Variants in CES5A observed in about 807,000 individuals in gnomAD.
CES5A encodes carboxylesterase 5.
A neutral mutation model predicts 62.9 loss-of-function variants in CES5A; 67 were observed. The observed-to-expected ratio is 1.07, with a 90% CI of 0.88 to 1.31. The LOEUF is 1.31. CES5A is among the 50% of genes most tolerant of loss of function. CES5A has a pLI of 0.00. For synonymous variants in CES5A, 296 were observed against 280.8 expected, an observed-to-expected ratio of 1.05 and a Z score of -0.54; for missense variants, 748 against 708.5, an observed-to-expected ratio of 1.06 and a Z score of -0.63.
At position 55,859,548 on chromosome 16, in the gene CES5A, A is replaced by T. The variant is rs1458234462; in HGVS notation, c.1055T>A (p.Met352Lys). 1 of 1,611,314 alleles carries T rather than the reference A, an allele frequency of 6.2e-7. No individual in the cohort carries two copies. Among genetic ancestry groups the T allele is most frequent in the Non-Finnish European group, 8.5e-7 (1 of 1,179,518 alleles). Residue 352 changes from methionine (M) to lysine (K), a missense_variant and splice_region_variant, in exon 8 of 13, where the codon ATG becomes AAG. Physicochemically the swap from Met to Lys is moderately conservative, Grantham distance 95. Coordinates refer to ENST00000290567, the MANE Select transcript of CES5A (RefSeq NM_001143685.2). ...AGTATGGACAGCCAGAATTCTTACC[A>T]TAGGCAGCAGGAAGCCACACTCGTG... ...NNHECGFLLP[M>K]KEAPEILSGS... is the part of the protein sequence containing the mutation.
At chr16:55,898,696 C>A (rs1203474594) in intron 1 of CES5A, among the ~76,000 whole-genome samples, 2 of 152,202 alleles carry the variant, frequency 1.3e-5, no homozygotes, top group East Asian at 3.9e-4. Flanking sequence ...CCCTAGGAGG[C>A]ATATGGGGCC....
chr16:55,954,405 A>G (rs1311921720), intron 1 of CES5A, among the ~76,000 whole-genome samples: 8 of 152,232 alleles, frequency 5.3e-5, no homozygotes, highest in African/African-American at 1.9e-4. Context: ...AAAGCTTCTC[A>G]TAGTCGGTCC....
intron 5 of CES5A, among the ~76,000 whole-genome samples, 155 bp from the exon 6 acceptor site, chr16:55,863,607 G>A (rs7500040): frequency 0.25 from 38,028 of 151,974 alleles, 5,422 homozygotes; most frequent in African/African-American, 0.39. Context: ...AGGACTAGCT[G>A]TGAAGGTTTG....
chr16:55,922,408 A>C (rs573570845), intron 1 of CES5A, among the ~76,000 whole-genome samples: 10 of 152,024 alleles, frequency 6.6e-5, no homozygotes, highest in Non-Finnish European at 7.4e-5. Context: ...TTATATGAGA[A>C]AAAATAGACT....
At chr16:55,896,827 A>C (rs2142438120) in intron 1 of CES5A, among the ~76,000 whole-genome samples, 1 of 152,242 alleles carries the variant, frequency 6.6e-6, no homozygotes, top group Middle Eastern at 3.4e-3. Flanking sequence ...ATATCACAAA[A>C]CTGCTTTAGA....
intron 1 of CES5A, among the ~76,000 whole-genome samples, chr16:55,911,654 G>A (rs774896203): frequency 1.6e-4 from 25 of 152,102 alleles, no homozygotes; most frequent in African/African-American, 2.7e-4. Context: ...TCTATTCTGC[G>A]CTTATTCTGT....
Position 55,871,624 on chromosome 16 carries a change from C to T in CES5A, c.417+1G>A, listed in dbSNP as rs117887370. ...CCGAAGCACACAGCAGGCAGCCTTA[C>T]GGGGAGCTTGGAGCCTGTATCGGCG... On this transcript the variant is annotated splice_donor_variant, in intron 3 of 12. Coordinates refer to ENST00000290567, the MANE Select transcript of CES5A (RefSeq NM_001143685.2). LOFTEE classifies it high-confidence loss of function. The T allele has an allele frequency of 4.1e-4, 660 of 1,613,966 alleles. 7 individuals carry two copies. The East Asian group carries it at 0.012, about 29-fold the overall frequency.
upstream of CES5A, among the ~76,000 whole-genome samples, chr16:55,878,729 C>T (rs1337720835): frequency 6.7e-6 from 1 of 148,238 alleles, no homozygotes; most frequent in African/African-American, 2.5e-5. Context: ...TGCACCCCCA[C>T]CACTGCACAC....
intron 1 of CES5A, among the ~76,000 whole-genome samples, chr16:55,910,393 A>C (rs1449768068): frequency 1.3e-5 from 2 of 151,870 alleles, no homozygotes; most frequent in Non-Finnish European, 2.9e-5. Context: ...GCTTCAGTCC[A>C]CCTCTTCCAG....
chr16:55,880,443 C>T (rs2033749474), intron 1 of CES5A, among the ~76,000 whole-genome samples: 1 of 152,192 alleles, frequency 6.6e-6, no homozygotes, highest in African/African-American at 2.4e-5. Flanking sequence ...GTCTCAGGAA[C>T]ACCCCCTCGT....
chr16:55,872,649 C>T (rs1381108332), intron 2 of CES5A, among the ~76,000 whole-genome samples: 3 of 152,134 alleles, frequency 2.0e-5, no homozygotes, highest in African/African-American at 7.2e-5. Context: ...TATTGCTGCA[C>T]GTCTTCTCCT....
At chr16:55,916,360 G>T (rs2034149025) in intron 1 of CES5A, among the ~76,000 whole-genome samples, 1 of 152,070 alleles carries the variant, frequency 6.6e-6, no homozygotes, top group Admixed American at 6.5e-5. Context: ...CCTTTCATTA[G>T]CTTTACAAAG....
At chr16:55,856,011 C>T (rs2033236318) in intron 9 of CES5A, among the ~76,000 whole-genome samples, 1 of 152,084 alleles carries the variant, frequency 6.6e-6, no homozygotes, top group Non-Finnish European at 1.5e-5. Flanking sequence ...GTGGCACCTC[C>T]TCCCTCTCTC....
intron 1 of CES5A, among the ~76,000 whole-genome samples, chr16:55,919,632 C>A (rs578102698): frequency 6.6e-6 from 1 of 152,170 alleles, no homozygotes; most frequent in East Asian, 1.9e-4. Context: ...ATGAAACAAC[C>A]TTTGTGAATG....
chr16:55,865,906 T>A, intron 5 of CES5A, 57 bp downstream of exon 5: 1 of 1,593,380 alleles, frequency 6.3e-7, no homozygotes, highest in African/African-American at 1.3e-5. Flanking sequence ...TGACTCATCA[T>A]CATTTTTGGA....
intron 1 of CES5A, among the ~76,000 whole-genome samples, chr16:55,905,370 A>AT (rs368761640): frequency 0.12 from 17,078 of 146,372 alleles, 1,747 homozygotes; most frequent in African/African-American, 0.27. Flanking sequence ...TTTAAATCTG[A>AT]CTTTTTTTTT....
chr16:55,949,923 A>G (rs1417597929), intron 1 of CES5A: 23 of 1,124,070 alleles, frequency 2.0e-5, no homozygotes, highest in Non-Finnish European at 2.6e-5. Context: ...AGAAATAATA[A>G]TAATAATAAA....
At chr16:55,913,371 G>A (rs1200921606) in intron 1 of CES5A, among the ~76,000 whole-genome samples, 1 of 152,188 alleles carries the variant, frequency 6.6e-6, no homozygotes, top group East Asian at 1.9e-4. Flanking sequence ...AGGGTTTACA[G>A]TAGTGATGTC....
chr16:55,853,286 C>T (rs1180710734), intron 9 of CES5A, among the ~76,000 whole-genome samples: 2 of 152,368 alleles, frequency 1.3e-5, no homozygotes, highest in Admixed American at 6.5e-5. Flanking sequence ...AAATCCCATG[C>T]TCCTGACCAC....
Sources: gnomAD v4.1 joint callset for allele counts (sites outside exome capture counted in the v4.1 genomes callset) on GRCh38, gnomAD v4.1.1 for gene constraint, MANE v1.5 for transcripts, NCBI Gene and HGNC (gene_info 2026-07-23, HGNC 2026-07-21) for gene names.